NRG1: variants seen among roughly 807,000 people sequenced by gnomAD.
NRG1 encodes pro-neuregulin-1, membrane-bound isoform.
Under a neutral mutation model 63.8 loss-of-function variants are expected in NRG1, and 18 were observed. The ratio of observed to expected loss-of-function variants is 0.28; its 90% CI spans 0.19 to 0.42. The LOEUF (loss-of-function observed/expected upper bound fraction) is 0.42. Among genes scored for constraint, NRG1 ranks in the 10% least tolerant of loss-of-function variants. The probability of loss-of-function intolerance (pLI) is 1.00; values close to 1 mark genes in which losing one functional copy is unlikely to be tolerated. For missense variants in NRG1, 762 were observed against 814.7 expected (o/e 0.94, Z 0.79); for synonymous variants, 302 against 301.3 (o/e 1.00, Z -0.02).
chr8:31,744,112 A>T (rs1312966328), intron 1 of NRG1, among the ~76,000 whole-genome samples: 1 of 151,928 alleles, frequency 6.6e-6, no homozygotes, highest in African/African-American at 2.4e-5. Flanking sequence ...CTCTAGAGTA[A>T]TACACATGTA....
At chr8:32,168,805 C>T (rs1296288391) in intron 1 of NRG1, among the ~76,000 whole-genome samples, 1 of 152,046 alleles carries the variant, frequency 6.6e-6, no homozygotes, top group Non-Finnish European at 1.5e-5. Flanking sequence ...CTTCCTAGGC[C>T]CCCTTATTTC....
chr8:31,751,467 A>G (rs141855354), intron 1 of NRG1, among the ~76,000 whole-genome samples: 59 of 152,084 alleles, frequency 3.9e-4, no homozygotes, highest in African/African-American at 1.4e-3. Flanking sequence ...TGGCTGAAGG[A>G]CAGAGAGTGT....
intron 1 of NRG1, among the ~76,000 whole-genome samples, chr8:32,368,251 G>A (rs550808269): frequency 3.9e-4 from 60 of 152,294 alleles, no homozygotes; most frequent in African/African-American, 1.4e-3. Flanking sequence ...AAGAGAGACT[G>A]AGCTTAATTT....
rs772219138 is a variant in NRG1 at position 32,199,856 on chromosome 8, T to G, written c.38-395972T>G. 8.9e-4 allele frequency among the ~76,000 whole-genome samples: 136 copies of G among 152,340 alleles called. 1 individual carries two copies. The highest frequency in any genetic ancestry group is 3.8e-4 in the Non-Finnish European group (26 of 68,036). ...GTGCAATGACACGATCTTAGTTCACTGCAACCTCCGCCTCCTGGGTTCATG... is the reference window on the plus strand; with the variant it reads ...GTGCAATGACACGATCTTAGTTCACGGCAACCTCCGCCTCCTGGGTTCATG... On this transcript the variant is annotated intron_variant, in intron 1 of 10. Transcript: ENST00000519301.
At chr8:31,727,749 T>G (rs1171473451) in intron 1 of NRG1, among the ~76,000 whole-genome samples, 1 of 152,180 alleles carries the variant, frequency 6.6e-6, no homozygotes, top group Admixed American at 6.6e-5. Flanking sequence ...ACATATATTG[T>G]CTTTTTTTTA....
intron 1 of NRG1, among the ~76,000 whole-genome samples, chr8:31,880,330 T>C (rs1830252789): frequency 6.6e-6 from 1 of 152,172 alleles, no homozygotes; most frequent in Non-Finnish European, 1.5e-5. Context: ...TTTGGGGGCC[T>C]TCTCTAAGAA....
intron 1 of NRG1, among the ~76,000 whole-genome samples, chr8:31,972,743 G>T (rs1807508888): frequency 6.6e-6 from 1 of 152,072 alleles, no homozygotes; most frequent in African/African-American, 2.4e-5. Flanking sequence ...TACAGGAATG[G>T]ACTCACTCAT....
At chr8:32,736,879 T>C (rs1825203074) in intron 6 of NRG1, among the ~76,000 whole-genome samples, 1 of 151,984 alleles carries the variant, frequency 6.6e-6, no homozygotes, top group South Asian at 2.1e-4. Context: ...TATAAAAACG[T>C]CTAGAATCTC....
At chr8:32,678,742 G>A (rs908254612) in intron 5 of NRG1, among the ~76,000 whole-genome samples, 1 of 152,150 alleles carries the variant, frequency 6.6e-6, no homozygotes, top group Non-Finnish European at 1.5e-5. Flanking sequence ...ACAATAAGTA[G>A]ATAACCATTT....
At chr8:32,488,525 T>A (rs982270211) in intron 1 of NRG1, among the ~76,000 whole-genome samples, 1 of 152,118 alleles carries the variant, frequency 6.6e-6, no homozygotes, top group Non-Finnish European at 1.5e-5. Context: ...TCTGTAATCC[T>A]AGCACTTTGA....
At chr8:32,141,417 T>C (rs1329909378) in intron 1 of NRG1, among the ~76,000 whole-genome samples, 1 of 151,800 alleles carries the variant, frequency 6.6e-6, no homozygotes, top group Non-Finnish European at 1.5e-5. Context: ...ACATAAGCCA[T>C]GTTTCTCGTC....
At position 31,828,199 on chromosome 8, in the gene NRG1, T is replaced by C. The variant is rs147133763; in HGVS notation, c.37+188768T>C. ...TCACATTGTCTGTGATGTGTATTTA[T>C]GGCATTATCTACCACATGTGTTTGT... On this transcript the variant is annotated intron_variant, in intron 1 of 10. Coordinates refer to the NRG1 transcript ENST00000519301. Among the ~76,000 whole-genome samples, 19 of 152,344 alleles carry C rather than the reference T, an allele frequency of 1.2e-4. No individual in the cohort carries two copies. The East Asian group carries it at 1.5e-3, about 12-fold the overall frequency.
At chr8:31,821,536 T>G (rs917622905) in intron 1 of NRG1, among the ~76,000 whole-genome samples, 3 of 152,188 alleles carry the variant, frequency 2.0e-5, no homozygotes, top group Non-Finnish European at 4.4e-5. Context: ...TTTGTGAGGC[T>G]GAAGTACCTC....
intron 1 of NRG1, among the ~76,000 whole-genome samples, chr8:32,346,107 T>G (rs1395526320): frequency 1.4e-5 from 2 of 147,644 alleles, no homozygotes; most frequent in African/African-American, 4.9e-5. Context: ...ATAAATTATA[T>G]AATATACAAA....
chr8:32,020,220 G>A (rs1563687140), intron 1 of NRG1, among the ~76,000 whole-genome samples: 1 of 152,110 alleles, frequency 6.6e-6, no homozygotes, highest in African/African-American at 2.4e-5. Context: ...TATTATGCAT[G>A]TTTCATTAGA....
chr8:32,695,665 C>CT (rs1442601952), intron 5 of NRG1, among the ~76,000 whole-genome samples: 4 of 152,296 alleles, frequency 2.6e-5, no homozygotes, highest in Middle Eastern at 3.4e-3. Context: ...GTGATGTTGG[C>CT]TGGGACACTG....
At chr8:32,185,083 G>C (rs1422870766) in intron 1 of NRG1, among the ~76,000 whole-genome samples, 1 of 152,082 alleles carries the variant, frequency 6.6e-6, no homozygotes, top group Non-Finnish European at 1.5e-5. Context: ...TTACTCTGGG[G>C]AAAATCTTCT....
At chr8:32,755,749 ATT>A (rs112433027) in intron 8 of NRG1, among the ~76,000 whole-genome samples, 1 of 147,456 alleles carries the variant, frequency 6.8e-6, no homozygotes, top group African/African-American at 2.5e-5. Context: ...TCTACAGCAC[ATT>A]TTTTTTTTTT....
At chr8:32,230,814 T>C (rs1436445394) in intron 1 of NRG1, among the ~76,000 whole-genome samples, 2 of 152,284 alleles carry the variant, frequency 1.3e-5, no homozygotes, top group East Asian at 3.9e-4. Context: ...TGTATAATAA[T>C]CTTATCGGGG....
Sources: allele counts gnomAD v4.1 joint callset (sites outside exome capture counted in the v4.1 genomes callset), GRCh38; gene constraint gnomAD v4.1.1; transcripts MANE v1.5; gene names NCBI Gene and HGNC (gene_info 2026-07-23, HGNC 2026-07-21).